The following ULK2 variants were observed in gnomAD, a reference collection of about 807,000 sequenced individuals.
ULK2 encodes unc-51 like autophagy activating kinase 2.
Under a neutral mutation model 127.5 loss-of-function variants are expected in ULK2, and 76 were observed. The observed-to-expected ratio is 0.60, with a 90% CI of 0.50 to 0.72. ULK2 has a LOEUF of 0.72. ULK2 is among the 30% of genes least tolerant of loss of function. ULK2 has a pLI of 0.00. For missense variants in ULK2, 1,144 were observed against 1,295.9 expected, an observed-to-expected ratio of 0.88 and a Z score of 1.80; for synonymous variants, 452 against 461.9, an observed-to-expected ratio of 0.98 and a Z score of 0.28.
intron 21 of ULK2, among the ~76,000 whole-genome samples, chr17:19,784,591 A>G (rs1035064903): frequency 1.4e-4 from 20 of 138,358 alleles, no homozygotes; most frequent in African/African-American, 5.5e-4. Flanking sequence ...TGGCGTGATC[A>G]CAGCTCACTG....
intron 25 of ULK2, among the ~76,000 whole-genome samples, chr17:19,778,194 A>C (rs1298387944): frequency 6.6e-6 from 1 of 152,240 alleles, no homozygotes; most frequent in South Asian, 2.1e-4. Flanking sequence ...AGCACCTAAC[A>C]AAGTGCCAGG....
chr17:19,852,932 G>A (rs954434028), intron 3 of ULK2, among the ~76,000 whole-genome samples: 7 of 152,018 alleles, frequency 4.6e-5, no homozygotes, highest in Non-Finnish European at 1.0e-4. Flanking sequence ...TTACAGGCGT[G>A]AGCCACCGTG....
At chr17:19,841,620 T>C (rs2041759775) in intron 8 of ULK2, 73 bp from the exon 9 acceptor site, 6 of 1,219,234 alleles carry the variant, frequency 4.9e-6, no homozygotes, top group South Asian at 1.5e-5. Flanking sequence ...TTGACACTCA[T>C]ATGCTTTTTT....
intron 20 of ULK2, among the ~76,000 whole-genome samples, chr17:19,787,267 G>A (rs544529557): frequency 6.8e-4 from 103 of 152,254 alleles, no homozygotes; most frequent in African/African-American, 2.4e-3. Flanking sequence ...GATTACAGGC[G>A]TGAGCCACTG....
Position 19,776,333 on chromosome 17 carries a change from G to T in ULK2, c.*16C>A. Reference sequence around the variant, plus strand: ...CCTCACGTTCCCACCACCGGTCCACGGGATGAGCCTGCTGCTCACACGGTT... The same window carrying T: ...CCTCACGTTCCCACCACCGGTCCACTGGATGAGCCTGCTGCTCACACGGTT... On this transcript the variant is annotated 3_prime_UTR_variant, in exon 27 of 27. Transcript: ENST00000395544. 1.3e-6 allele frequency: 2 copies of T among 1,595,850 alleles called. No homozygotes were observed. Among genetic ancestry groups the T allele is most frequent in the East Asian group, 2.3e-5 (1 of 43,710 alleles).
At chr17:19,778,279 C>T (rs751042430) in intron 25 of ULK2, among the ~76,000 whole-genome samples, 1 of 152,156 alleles carries the variant, frequency 6.6e-6, no homozygotes, top group Non-Finnish European at 1.5e-5. Flanking sequence ...ATTCTAATGC[C>T]AAGGCACACA....
At chr17:19,804,582 T>C (rs73980711) in intron 15 of ULK2, 111 bp downstream of exon 15, 21 of 1,185,076 alleles carry the variant, frequency 1.8e-5, no homozygotes, top group Non-Finnish European at 2.4e-5. Context: ...GTTCCCATTA[T>C]ACACACATGT....
chr17:19,782,176 T>C, intron 22 of ULK2, 109 bp from the exon 23 acceptor site: 1 of 1,150,164 alleles, frequency 8.7e-7, no homozygotes, highest in South Asian at 1.6e-5. Context: ...CTTATGAGTA[T>C]CAGAATGACA....
chr17:19,842,898 A>G (rs1471485543), intron 8 of ULK2, among the ~76,000 whole-genome samples: 1 of 152,150 alleles, frequency 6.6e-6, no homozygotes, highest in Non-Finnish European at 1.5e-5. Flanking sequence ...CCAACATACA[A>G]CAGACTTCAT....
At position 19,785,964 on chromosome 17, in the gene ULK2, T is replaced by C. The variant is rs200624375; in HGVS notation, c.2224A>G (p.Met742Val). 2 of 1,594,326 alleles carry C rather than the reference T, an allele frequency of 1.3e-6. No homozygotes were observed. The highest frequency in any genetic ancestry group is 1.7e-6 in the Non-Finnish European group (2 of 1,172,114). The change falls in exon 21 of 27, where the codon ATG becomes GTG. Residue 742 changes from methionine to valine, a missense_variant. Met to Val is a conservative substitution (Grantham distance 21). Transcript: ENST00000395544. ...GAGGTTGTTCTTGTTCGAAGGAACATGTGGGTACAAGTGGGGGCTGCCGCA... is the reference window on the plus strand; with the variant it reads ...GAGGTTGTTCTTGTTCGAAGGAACACGTGGGTACAAGTGGGGGCTGCCGCA... ...HSAAAPTCTH[M>V]FLRTRTTSVG...
chr17:19,846,820 T>C lies in ULK2; in HGVS notation c.386A>G (p.His129Arg). 1 of 1,614,080 alleles carries C rather than the reference T, an allele frequency of 6.2e-7. No homozygotes were observed. Among genetic ancestry groups the C allele is most frequent in the Non-Finnish European group, 8.5e-7 (1 of 1,179,998 alleles). ...MRILHSKGII[H>R]RDLKPQNILL... ...GATGTTCTGTGGTTTGAGATCTCTGTGGATGATTCCTTTGCTGTGCAGGAT... is the reference window on the plus strand; with the variant it reads ...GATGTTCTGTGGTTTGAGATCTCTGCGGATGATTCCTTTGCTGTGCAGGAT... Residue 129 changes from histidine to arginine, a missense_variant, in exon 6 of 27, where the codon CAC (histidine) becomes CGC (arginine). His to Arg is a conservative substitution (Grantham distance 29). Around this residue, in one of 2 missense-constraint regions of ULK2, gnomAD observed 231 missense variants for 325.4 expected, o/e 0.71. Transcript: ENST00000395544.
At position 19,774,838 on chromosome 17, in the gene ULK2, T is replaced by C. The variant is rs562470382; in HGVS notation, c.*1511A>G. On this transcript the variant is annotated 3_prime_UTR_variant, in exon 27 of 27. Transcript: ENST00000395544. ...CAACAATTCAGTGAGTTTTACCTAG[T>C]TTCAAGAATAATGCATGCAGTTACA... is the stretch of plus-strand genomic sequence containing the variant. The C allele has an allele frequency of 1.5e-4, 23 of 152,742 alleles. No individual in the cohort carries two copies. Among genetic ancestry groups the C allele is most frequent in the African/African-American group, 5.5e-4 (23 of 41,572 alleles). 9.5% of individuals were successfully genotyped at this position (152,742 alleles called of 1,614,324 possible).
intron 20 of ULK2, 108 bp downstream of exon 20, chr17:19,795,514 G>T: frequency 1.1e-6 from 1 of 915,942 alleles, no homozygotes; most frequent in Non-Finnish European, 1.8e-6. Flanking sequence ...TAATACATTT[G>T]TGTTGTTTTA....
intron 10 of ULK2, among the ~76,000 whole-genome samples, chr17:19,826,682 G>A (rs1348256988): frequency 2.6e-5 from 4 of 152,190 alleles, no homozygotes; most frequent in African/African-American, 9.6e-5. Context: ...CTGGCCGGGT[G>A]TGGTGGCTCA....
intron 3 of ULK2, among the ~76,000 whole-genome samples, chr17:19,861,208 T>C (rs2042235351): frequency 6.6e-6 from 1 of 152,246 alleles, no homozygotes; most frequent in Non-Finnish European, 1.5e-5. Context: ...CCTCATTCTA[T>C]AATCAAAGCT....
At chr17:19,816,615 G>T in intron 13 of ULK2, 134 bp downstream of exon 13, 1 of 769,614 alleles carries the variant, frequency 1.3e-6, no homozygotes, top group Non-Finnish European at 1.8e-6. Context: ...ATAATTCTGA[G>T]AATTCAAACA....
intron 13 of ULK2, among the ~76,000 whole-genome samples, chr17:19,812,965 C>T (rs1370702731): frequency 1.3e-5 from 2 of 152,092 alleles, no homozygotes; most frequent in Non-Finnish European, 2.9e-5. Context: ...CAGAGGGTCT[C>T]TGAACTGCAG....
At chr17:19,819,706 C>T (rs1029035136) in intron 12 of ULK2, among the ~76,000 whole-genome samples, 10 of 152,156 alleles carry the variant, frequency 6.6e-5, no homozygotes, top group Non-Finnish European at 1.2e-4. Flanking sequence ...CCTTGCCAGC[C>T]GGCCATTGTC....
At chr17:19,825,992 A>AT (rs1280556001) in intron 11 of ULK2, 147 bp downstream of exon 11, 3,062 of 159,688 alleles carry the variant, frequency 0.019, 37 homozygotes, top group African/African-American at 0.041. Flanking sequence ...ATCTCAAAAA[A>AT]AAAAAAAAAA....
Sources: gnomAD v4.1 joint callset for allele counts (sites outside exome capture counted in the v4.1 genomes callset) on GRCh38, gnomAD v4.1.1 for gene constraint, gnomAD v4.1.1 regional missense constraint, MANE v1.5 for transcripts, NCBI Gene and HGNC (gene_info 2026-07-23, HGNC 2026-07-21) for gene names.